Variants in SKI observed in about 807,000 individuals in gnomAD.
SKI encodes SKI proto-oncogene, also known as ski oncogene.
In SKI, 23 loss-of-function variants were observed where a neutral mutation model predicts 59.3. The ratio of observed to expected loss-of-function variants is 0.39; its 90% CI spans 0.28 to 0.55. The LOEUF (loss-of-function observed/expected upper bound fraction) is 0.55, where lower values mean the gene tolerates loss of function less well. Among genes scored for constraint, SKI ranks in the 20% least tolerant of loss-of-function variants. SKI has a pLI of 0.67. For synonymous variants in SKI, 673 were observed against 488.6 expected (o/e 1.38, Z -4.98); for missense variants, 1,017 against 1,038.9 (o/e 0.98, Z 0.29).
chr1:2,228,781 A>T lies in SKI; in HGVS notation c.15A>T (p.Ala5=). The change falls in exon 1 of 7, where the codon GCA becomes GCT. Residue 5 remains alanine, a synonymous_variant. Transcript: ENST00000378536. MEAA[A]GGRGCFQPHP... is the part of the protein sequence containing the mutation. ...CGGAGCGCACCATGGAGGCGGCGGC[A>T]GGCGGCCGCGGCTGTTTCCAGCCGC... The T allele has an allele frequency of 1.6e-6, 2 of 1,289,936 alleles. No homozygotes were observed. Among genetic ancestry groups the T allele is most frequent in the South Asian group, 3.3e-5 (2 of 60,014 alleles). The allele number at this position is 1,289,936 out of a possible 1,614,324, so 79.9% of individuals were successfully genotyped here.
chr1:2,300,156 A>G (rs1809822), intron 1 of SKI, among the ~76,000 whole-genome samples: 1 of 152,184 alleles, frequency 6.6e-6, no homozygotes, highest in African/African-American at 2.4e-5. Context: ...CTGGCCAGGT[A>G]GCTTGCCTGG....
intron 1 of SKI, among the ~76,000 whole-genome samples, chr1:2,234,980 G>A (rs531733790): frequency 1.3e-5 from 2 of 151,952 alleles, no homozygotes; most frequent in Non-Finnish European, 1.5e-5. Context: ...GTGGTAGGGC[G>A]GCTCCTTCCT....
intron 1 of SKI, among the ~76,000 whole-genome samples, chr1:2,277,611 T>C (rs910472930): frequency 1.3e-5 from 2 of 152,222 alleles, no homozygotes; most frequent in African/African-American, 4.8e-5. Context: ...GTATATCTTC[T>C]TCAGCAGCGT....
chr1:2,246,854 G>C (rs576130135), intron 1 of SKI, among the ~76,000 whole-genome samples: 3 of 44,394 alleles, frequency 6.8e-5, no homozygotes, highest in African/African-American at 2.4e-4. Flanking sequence ...GGAACCTGAT[G>C]GGGGGGGCCT....
At chr1:2,245,222 C>G (rs1276800713) in intron 1 of SKI, among the ~76,000 whole-genome samples, 1 of 152,182 alleles carries the variant, frequency 6.6e-6, no homozygotes, top group Admixed American at 6.5e-5. Flanking sequence ...CACTCAGCAC[C>G]ATGTCCTCAA....
chr1:2,237,506 G>A (rs1190089529), intron 1 of SKI, among the ~76,000 whole-genome samples: 1 of 152,168 alleles, frequency 6.6e-6, no homozygotes, highest in Non-Finnish European at 1.5e-5. Flanking sequence ...AATAAGAAGC[G>A]GCTGTCAGCC....
In SKI at chr1:2,228,950, G is replaced by T. The variant is rs1440479467; in HGVS notation, c.184G>T (p.Ala62Ser). 3.6e-6 allele frequency: 5 copies of T among 1,398,714 alleles called. No individual in the cohort carries two copies. Among genetic ancestry groups the T allele is most frequent in the Non-Finnish European group, 4.6e-6 (5 of 1,078,174 alleles). 86.6% of individuals were successfully genotyped at this position (1,398,714 alleles called of 1,614,324 possible). ...GGAGGCGGGCGCGGCCGCGGTGCCG[G>T]CGCCGGTGCCCGCAGCCACCGAGCC... The part of the protein sequence containing the change: ...AKEAGAAAVP[A>S]PVPAATEPPP... The change falls in exon 1 of 7, where the codon GCG becomes TCG. Residue 62 changes from alanine (A) to serine (S), a missense_variant. Transcript: ENST00000378536.
chr1:2,282,028 G>GA (rs747185767), intron 1 of SKI, among the ~76,000 whole-genome samples: 1 of 18,236 alleles, frequency 5.5e-5, no homozygotes, highest in African/African-American at 4.3e-4. Context: ...TTCAGAGAGA[G>GA]GACGCCCGAG....
chr1:2,235,251 C>G (rs559613220), intron 1 of SKI, among the ~76,000 whole-genome samples: 295 of 152,246 alleles, frequency 1.9e-3, no homozygotes, highest in Non-Finnish European at 3.6e-3. Flanking sequence ...ACCATGTTGG[C>G]CAGCCTGGTC....
chr1:2,295,248 C>T (rs1022682364), intron 1 of SKI, among the ~76,000 whole-genome samples: 48 of 152,192 alleles, frequency 3.2e-4, no homozygotes, highest in African/African-American at 1.1e-3. Flanking sequence ...TGGCAGCATC[C>T]ATGCCAGCCG....
rs75902643 is a variant in SKI, at chr1:2,275,234, G to C, written c.970-27744G>C. On this transcript the variant is annotated intron_variant, in intron 1 of 6. Coordinates refer to ENST00000378536, the MANE Select transcript of SKI (RefSeq NM_003036.4). ...CTTGGAAGGAACATCGGGCCCCTGA[G>C]AGGTCAGAGCAGTGGCCGGCCCACG... 5.8e-3 allele frequency among the ~76,000 whole-genome samples: 889 copies of C among 152,352 alleles called. 7 individuals carry two copies. The highest frequency in any genetic ancestry group is 0.02 in the African/African-American group (842 of 41,580).
At chr1:2,271,989 C>T (rs1285456256) in intron 1 of SKI, among the ~76,000 whole-genome samples, 5 of 152,210 alleles carry the variant, frequency 3.3e-5, no homozygotes, top group African/African-American at 1.2e-4. Context: ...AGCTGTTCTC[C>T]TCTGGGAGGA....
At chr1:2,252,186 A>G (rs1179565168) in intron 1 of SKI, among the ~76,000 whole-genome samples, 1 of 152,210 alleles carries the variant, frequency 6.6e-6, no homozygotes, top group Non-Finnish European at 1.5e-5. Flanking sequence ...TTTAATAACA[A>G]ACTTTATCCT....
At chr1:2,293,229 C>T (rs1280735931) in intron 1 of SKI, among the ~76,000 whole-genome samples, 2 of 152,190 alleles carry the variant, frequency 1.3e-5, no homozygotes, top group Non-Finnish European at 2.9e-5. Flanking sequence ...TGTTCTGTTG[C>T]TTTGGTTGGC....
intron 1 of SKI, among the ~76,000 whole-genome samples, chr1:2,273,774 C>T (rs903517978): frequency 6.6e-6 from 1 of 152,212 alleles, no homozygotes; most frequent in Non-Finnish European, 1.5e-5. Context: ...GGGCAGCGTT[C>T]GGGCTGAGGC....
intron 1 of SKI, among the ~76,000 whole-genome samples, chr1:2,241,294 A>T (rs1638864726): frequency 6.6e-6 from 1 of 152,220 alleles, no homozygotes; most frequent in Admixed American, 6.5e-5. Flanking sequence ...AAGTAGAGAG[A>T]TTAGCTCAAT....
At chr1:2,230,662 A>G (rs1638614454) in intron 1 of SKI, among the ~76,000 whole-genome samples, 1 of 152,130 alleles carries the variant, frequency 6.6e-6, no homozygotes, top group Admixed American at 6.5e-5. Flanking sequence ...TGCCGAAATT[A>G]CTCAGTGGGG....
chr1:2,297,473 C>T (rs776242002), intron 1 of SKI, among the ~76,000 whole-genome samples: 2 of 152,230 alleles, frequency 1.3e-5, no homozygotes, highest in Non-Finnish European at 2.9e-5. Flanking sequence ...CAGGCGATCT[C>T]CTCGGAACCC....
rs1638547468 is a variant in SKI, at chr1:2,228,325, C to T, written c.-442C>T. ...GCCCCGCGCCCGCGCCCCCGCTCCT[C>T]CCGGGCCCCTCGGCCTCGGCCGCCG... On this transcript the variant is annotated 5_prime_UTR_variant, in exon 1 of 7. Transcript: ENST00000378536. Among the ~76,000 whole-genome samples, 1 of 142,686 alleles carries T rather than the reference C, an allele frequency of 7.0e-6. No individual in the cohort carries two copies. The highest frequency in any genetic ancestry group is 1.6e-5 in the Non-Finnish European group (1 of 64,408). The allele number at this position is 142,686 out of a possible 152,430, so 93.6% of individuals were successfully genotyped here.
Sources: gnomAD v4.1 joint callset for allele counts (sites outside exome capture counted in the v4.1 genomes callset) on GRCh38, gnomAD v4.1.1 for gene constraint, MANE v1.5 for transcripts, NCBI Gene and HGNC (gene_info 2026-07-23, HGNC 2026-07-21) for gene names.